Variants in EEF1A1 observed in about 807,000 individuals in gnomAD.
EEF1A1 encodes the protein elongation factor 1-alpha 1.
A neutral mutation model predicts 38.5 loss-of-function variants in EEF1A1; 1 was observed. The ratio of observed to expected loss-of-function variants is 0.03; its 90% CI spans 0.01 to 0.12. EEF1A1 has a LOEUF of 0.12. EEF1A1 is among the 10% of genes least tolerant of loss of function. The pLI, the probability that EEF1A1 is intolerant of heterozygous loss-of-function variation, is 1.00. For synonymous variants in EEF1A1, 229 were observed against 203.7 expected (o/e 1.12, Z -1.06); for missense variants, 184 against 588.3 (o/e 0.31, Z 7.11).
At position 73,518,013 on chromosome 6, in the gene EEF1A1, T is replaced by TA. The variant is rs1479660656; in HGVS notation, c.1264+16dup. On this transcript the variant is annotated intron_variant, in intron 7 of 7. Coordinates refer to ENST00000309268, the MANE Select transcript of EEF1A1 (RefSeq NM_001402.6). ...ATCTTTAACACAACTTTTTTACATT[T>TA]AAGTAGTCATCCTTACCCAAAGGTG... is the stretch of plus-strand genomic sequence containing the variant. 1 of 1,606,366 alleles carries TA rather than the reference T, an allele frequency of 6.2e-7. No individual in the cohort carries two copies. The highest frequency in any genetic ancestry group is 8.5e-7 in the Non-Finnish European group (1 of 1,175,488).
rs1765524151 is a variant in EEF1A1, at chr6:73,516,693, T to C, written c.*1117A>G. On this transcript the variant is annotated 3_prime_UTR_variant, in exon 8 of 8. Transcript: ENST00000309268. The stretch of plus-strand genomic sequence containing the variant: ...TTCCTTTTATAACCAAAAAAAAACC[T>C]TTAGACACTTTTACATATGGGAGGT... The C allele has an allele frequency of 6.6e-6, 1 of 151,710 alleles. No homozygotes were observed. The highest frequency in any genetic ancestry group is 1.5e-5 in the Non-Finnish European group (1 of 67,922). 9.4% of individuals were successfully genotyped at this position (151,710 alleles called of 1,614,324 possible).
chr6:73,520,558 T>C (rs1765630359), intron 1 of EEF1A1: 1 of 152,358 alleles, frequency 6.6e-6, no homozygotes, highest in African/African-American at 2.4e-5. Flanking sequence ...CGATTCTCGG[T>C]GGCCGCGCTC....
rs1765540869 is a variant in EEF1A1, at chr6:73,517,220, G to C, written c.*590C>G. ...TGTTTCCAAAGATTCACTTAACATT[G>C]GTTTAGCAACATGAAGCTTTCTATG... On this transcript the variant is annotated 3_prime_UTR_variant, in exon 8 of 8. Coordinates refer to ENST00000309268, the MANE Select transcript of EEF1A1 (RefSeq NM_001402.6). 1 of 152,212 alleles carries C rather than the reference G, an allele frequency of 6.6e-6. No individual in the cohort carries two copies. The highest frequency in any genetic ancestry group is 2.4e-5 in the African/African-American group (1 of 41,406). The allele number at this position is 152,212 out of a possible 1,614,324, so 9.4% of individuals were successfully genotyped here.
chr6:73,516,075 T>C lies in EEF1A1; in HGVS notation c.*1735A>G, dbSNP rs558179239. On this transcript the variant is annotated 3_prime_UTR_variant, in exon 8 of 8. Coordinates refer to ENST00000309268, the MANE Select transcript of EEF1A1 (RefSeq NM_001402.6). ...TTAGACTATTTACTTGTGTAAACAT[T>C]AGATAGCAAAGAAACTAAGGACAAA... 2.0e-5 allele frequency: 3 copies of C among 152,336 alleles called. No individual in the cohort carries two copies. Among genetic ancestry groups the C allele is most frequent in the African/African-American group, 7.2e-5 (3 of 41,578 alleles). 9.4% of individuals were successfully genotyped at this position (152,336 alleles called of 1,614,324 possible). A position where few individuals can be genotyped will look rare whatever the true frequency, so the allele number is the denominator to read the frequency against.
chr6:73,519,664 A>G (rs1443151852), intron 2 of EEF1A1, 148 bp from the exon 3 acceptor site: 16 of 1,174,104 alleles, frequency 1.4e-5, no homozygotes, highest in Non-Finnish European at 1.5e-5. Flanking sequence ...AGCAACCAAA[A>G]ATCAAACTTT....
intron 1 of EEF1A1, chr6:73,520,553 C>G (rs1765630276): frequency 6.6e-6 from 1 of 152,660 alleles, no homozygotes; most frequent in East Asian, 1.9e-4. Context: ...CCGTCCGATT[C>G]TCGGTGGCCG....
In EEF1A1 at chr6:73,518,916, C is replaced by T. The variant is rs758258749; in HGVS notation, c.621+16G>A. 11 of 1,611,702 alleles carry T rather than the reference C, an allele frequency of 6.8e-6. No individual in the cohort carries two copies. The highest frequency in any genetic ancestry group is 9.3e-6 in the Non-Finnish European group (11 of 1,177,910). On this transcript the variant is annotated intron_variant, in intron 4 of 7. Transcript: ENST00000309268. ...ATTCCCAGAGCTTTTTAACAATGGT[C>T]TTGAAAGCCACTTACGTTAGCACTT...
At chr6:73,517,986 T>C (rs1295213317) in intron 7 of EEF1A1, 44 bp downstream of exon 7, 2 of 1,612,250 alleles carry the variant, frequency 1.2e-6, no homozygotes, top group Non-Finnish European at 8.5e-7. Context: ...GTTGTATTTT[T>C]CATCTTTAAC....
chr6:73,515,996 T>C lies in EEF1A1; in HGVS notation c.*1814A>G, dbSNP rs1489491977. On this transcript the variant is annotated 3_prime_UTR_variant, in exon 8 of 8. Transcript: ENST00000309268. ...GGTGTCAACTTTCATTATCAGGGCA[T>C]CTATTGGCCATCTATTAAAGGCCTT... 6.6e-6 allele frequency: 1 copy of C among 152,170 alleles called. No individual in the cohort carries two copies. Among genetic ancestry groups the C allele is most frequent in the Non-Finnish European group, 1.5e-5 (1 of 68,044 alleles). The allele number at this position is 152,170 out of a possible 1,614,324, so 9.4% of individuals were successfully genotyped here. A position where few individuals can be genotyped will look rare whatever the true frequency, so the allele number is the denominator to read the frequency against.
At position 73,518,540 on chromosome 6, in the gene EEF1A1, A is replaced by G. The variant is rs1001396441; in HGVS notation, c.843T>C (p.Ala281=). 7 of 1,613,836 alleles carry G rather than the reference A, an allele frequency of 4.3e-6. No individual in the cohort carries two copies. The highest frequency in any genetic ancestry group is 5.9e-6 in the Non-Finnish European group (7 of 1,179,862). The stretch of plus-strand genomic sequence containing the variant: ...TTACTTCCGTTGTAACGTTGACTGG[A>G]GCAAAGGTGACCACCATACCGGGTT... ...VLKPGMVVTF[A]PVNVTTEVKS... is the part of the protein sequence containing the mutation. Residue 281 remains alanine (A), a synonymous_variant, in exon 6 of 8, where the codon GCT becomes GCC. Transcript: ENST00000309268.
intron 1 of EEF1A1, 140 bp from the exon 2 acceptor site, chr6:73,520,196 T>G (rs1765618232): frequency 9.5e-6 from 7 of 734,880 alleles, no homozygotes; most frequent in Non-Finnish European, 1.5e-5. Flanking sequence ...CCACTCAGTG[T>G]GGGGAAACTC....
intron 2 of EEF1A1, 22 bp downstream of exon 2, chr6:73,519,861 C>T: frequency 4.3e-6 from 7 of 1,611,964 alleles, no homozygotes; most frequent in Non-Finnish European, 5.9e-6. Flanking sequence ...GTTGATCTTT[C>T]CCTTTCTGGT....
rs770394870 is a variant in EEF1A1, at chr6:73,518,333, AAT to A, written c.1029+19_1029+20del. On this transcript the variant is annotated intron_variant, in intron 6 of 7. Coordinates refer to ENST00000309268, the MANE Select transcript of EEF1A1 (RefSeq NM_001402.6). The stretch of plus-strand genomic sequence containing the variant: ...ATGACTTTAGCCTCTGCAATAAGTT[AAT>A]GTTACTTTAAATTGTTACCTGAGCA... 1.4e-4 allele frequency: 227 copies of A among 1,612,366 alleles called. No individual in the cohort carries two copies. In the African/African-American group the frequency reaches 2.4e-3, roughly 17 times the overall value.
chr6:73,518,140 T>G lies in EEF1A1; in HGVS notation c.1154A>C (p.Lys385Thr). The change falls in exon 7 of 8, where the codon AAA becomes ACA. Residue 385 changes from lysine (K) to threonine (T), a missense_variant. This residue lies in a region of EEF1A1 where 81 missense variants were observed against 286.3 expected (regional missense o/e 0.28). Transcript: ENST00000309268. ...GAATTTAGGGCCATCTTCCAGCTTTTTACCAGAACGGCGATCAATCTTTTC... is the reference window on the plus strand; with the variant it reads ...GAATTTAGGGCCATCTTCCAGCTTTGTACCAGAACGGCGATCAATCTTTTC... Reference protein sequence around the residue: ...LKEKIDRRSGKKLEDGPKFLK... With the variant: ...LKEKIDRRSGTKLEDGPKFLK... The G allele has an allele frequency of 6.2e-7, 1 of 1,612,412 alleles. No homozygotes were observed.
chr6:73,516,790 T>G lies in EEF1A1; in HGVS notation c.*1020A>C, dbSNP rs549557322. ...AAGCATTTTTCAAATGCACAAATGCTTAAAGATTCAGGAGTAAGTGGGCTA... is the reference window on the plus strand; with the variant it reads ...AAGCATTTTTCAAATGCACAAATGCGTAAAGATTCAGGAGTAAGTGGGCTA... On this transcript the variant is annotated 3_prime_UTR_variant, in exon 8 of 8. Coordinates refer to ENST00000309268, the MANE Select transcript of EEF1A1 (RefSeq NM_001402.6). The G allele has an allele frequency of 1.8e-4, 28 of 152,312 alleles. No homozygotes were observed. Among genetic ancestry groups the G allele is most frequent in the African/African-American group, 6.5e-4 (27 of 41,566 alleles). The allele number at this position is 152,312 out of a possible 1,614,324, so 9.4% of individuals were successfully genotyped here.
Position 73,516,561 on chromosome 6 carries a change from A to C in EEF1A1, c.*1249T>G, listed in dbSNP as rs1293452945. 6.6e-6 allele frequency: 1 copy of C among 152,168 alleles called. No homozygotes were observed. The highest frequency in any genetic ancestry group is 2.4e-5 in the African/African-American group (1 of 41,436). The allele number at this position is 152,168 out of a possible 1,614,324, so 9.4% of individuals were successfully genotyped here. On this transcript the variant is annotated 3_prime_UTR_variant, in exon 8 of 8. Coordinates refer to ENST00000309268, the MANE Select transcript of EEF1A1 (RefSeq NM_001402.6). Reference sequence around the variant, plus strand: ...CAGTGAGATTTTGCCATTGCATTCTAGCCTGGGCAACAAGAACTCCATCTT... The same window carrying C: ...CAGTGAGATTTTGCCATTGCATTCTCGCCTGGGCAACAAGAACTCCATCTT...
chr6:73,518,330 G>C (rs1765573694), intron 6 of EEF1A1, 24 bp downstream of exon 6: 2 of 1,612,362 alleles, frequency 1.2e-6, no homozygotes, highest in African/African-American at 2.7e-5. Flanking sequence ...TCTGCAATAA[G>C]TTAATGTTAC....
intron 3 of EEF1A1, 30 bp downstream of exon 3, chr6:73,519,307 A>T: frequency 6.2e-7 from 1 of 1,606,576 alleles, no homozygotes; most frequent in Non-Finnish European, 8.5e-7. Context: ...TTTTGGGATA[A>T]AGAAACCTAG....
intron 2 of EEF1A1, among the ~76,000 whole-genome samples, 159 bp downstream of exon 2, chr6:73,519,724 C>T (rs1271553528): frequency 6.6e-6 from 1 of 152,164 alleles, no homozygotes; most frequent in Admixed American, 6.6e-5. Context: ...ACTAGCAATA[C>T]GATTACAGAA....
Sources: allele counts gnomAD v4.1 joint callset (sites outside exome capture counted in the v4.1 genomes callset), GRCh38; gene constraint gnomAD v4.1.1; regional missense constraint gnomAD v4.1.1; transcripts MANE v1.5; gene names NCBI Gene and HGNC (gene_info 2026-07-23, HGNC 2026-07-21).